The following TMEM161B variants were observed in gnomAD, a reference collection of about 807,000 sequenced individuals.
TMEM161B encodes the protein transmembrane protein 161B.
TMEM161B carries 34 observed loss-of-function variants against 61.8 expected under a neutral mutation model. The observed-to-expected ratio is 0.55, with a 90% confidence interval of 0.42 to 0.73. The LOEUF is 0.73. TMEM161B is among the 30% of genes least tolerant of loss of function. The pLI, the probability that TMEM161B is intolerant of heterozygous loss-of-function variation, is 0.00. For synonymous variants in TMEM161B, 167 were observed against 192.8 expected (o/e 0.87, Z 1.11); for missense variants, 456 against 558.5 (o/e 0.82, Z 1.85).
In TMEM161B at chr5:88,223,707, G is replaced by A. The variant is rs1462168850; in HGVS notation, c.289+2062C>T. Among the ~76,000 whole-genome samples, 3 of 152,194 alleles carry A rather than the reference G, an allele frequency of 2.0e-5. No homozygotes were observed. In the East Asian group the frequency reaches 5.8e-4, roughly 29 times the overall value. ...TTGAGACCATCCTGGCTAACACGGT[G>A]AAACCCCGTCTCCACTAAAAAATAC... On this transcript the variant is annotated intron_variant, in intron 4 of 11. Transcript: ENST00000296595.
intron 8 of TMEM161B, among the ~76,000 whole-genome samples, chr5:88,203,771 AT>A (rs1561312377): frequency 0.059 from 409 of 6,924 alleles, 35 homozygotes; most frequent in Middle Eastern, 0.13. Flanking sequence ...ATATATATAT[AT>A]ATATATATAT....
intron 1 of TMEM161B, among the ~76,000 whole-genome samples, chr5:88,248,543 C>G (rs774819456): frequency 4.6e-5 from 7 of 152,026 alleles, no homozygotes; most frequent in African/African-American, 1.7e-4. Context: ...GCTCTGCTTA[C>G]AATTCTTGCG....
chr5:88,202,160 C>T (rs358289), intron 9 of TMEM161B: 442,690 of 453,614 alleles, frequency 0.98, 216,074 homozygotes, highest in East Asian at 1. Flanking sequence ...AGTTAAATAA[C>T]CTGCCTCAAA....
chr5:88,255,593 A>G (rs1386428563), intron 1 of TMEM161B, among the ~76,000 whole-genome samples: 2 of 152,228 alleles, frequency 1.3e-5, no homozygotes, highest in African/African-American at 4.8e-5. Context: ...GAATTATAAA[A>G]CATAATTGTC....
intron 11 of TMEM161B, 132 bp downstream of exon 11, chr5:88,197,537 C>A: frequency 1.3e-6 from 1 of 771,816 alleles, no homozygotes. Flanking sequence ...CTAAAACTTT[C>A]CCATGGTTCT....
intron 5 of TMEM161B, among the ~76,000 whole-genome samples, chr5:88,217,305 T>C (rs1234228820): frequency 1.3e-5 from 2 of 152,256 alleles, no homozygotes; most frequent in African/African-American, 4.8e-5. Flanking sequence ...TTACTTTTTA[T>C]CTCTTCCTAA....
At chr5:88,236,400 C>T (rs1751860875) in intron 2 of TMEM161B, among the ~76,000 whole-genome samples, 1 of 152,124 alleles carries the variant, frequency 6.6e-6, no homozygotes, top group Admixed American at 6.5e-5. Context: ...TTCAAATGTA[C>T]AAAGAATATA....
At chr5:88,249,936 G>A (rs1253731102) in intron 1 of TMEM161B, among the ~76,000 whole-genome samples, 2 of 152,068 alleles carry the variant, frequency 1.3e-5, no homozygotes, top group African/African-American at 4.8e-5. Context: ...TTTGCCTCAG[G>A]AACCCACAAC....
At chr5:88,250,036 C>T (rs140957201) in intron 1 of TMEM161B, among the ~76,000 whole-genome samples, 1 of 152,240 alleles carries the variant, frequency 6.6e-6, no homozygotes, top group Non-Finnish European at 1.5e-5. Flanking sequence ...GTATCTTTCA[C>T]CATGATAGAA....
chr5:88,229,356 T>G (rs1750589971), intron 2 of TMEM161B, among the ~76,000 whole-genome samples: 1 of 152,162 alleles, frequency 6.6e-6, no homozygotes, highest in African/African-American at 2.4e-5. Flanking sequence ...TGCAGAGACC[T>G]TAGTTCAGAC....
At chr5:88,264,107 C>A (rs1244563620) in intron 1 of TMEM161B, among the ~76,000 whole-genome samples, 4 of 151,778 alleles carry the variant, frequency 2.6e-5, no homozygotes, top group African/African-American at 9.7e-5. Context: ...GGTTTAAGGT[C>A]CATCAATTTA....
intron 1 of TMEM161B, among the ~76,000 whole-genome samples, chr5:88,247,762 T>C (rs1753800394): frequency 6.6e-6 from 1 of 152,026 alleles, no homozygotes; most frequent in Non-Finnish European, 1.5e-5. Context: ...ACAACAAACA[T>C]CACTCAACTA....
intron 1 of TMEM161B, among the ~76,000 whole-genome samples, chr5:88,253,508 A>C (rs548163136): frequency 6.6e-6 from 1 of 152,154 alleles, no homozygotes; most frequent in Non-Finnish European, 1.5e-5. Context: ...AGTTATACCT[A>C]CCCGTACAAA....
intron 5 of TMEM161B, among the ~76,000 whole-genome samples, chr5:88,213,405 C>T (rs903187025): frequency 2.0e-5 from 3 of 151,860 alleles, no homozygotes; most frequent in Admixed American, 2.0e-4. Context: ...GAAAAAGAAC[C>T]TAAAATTCCC....
chr5:88,252,396 G>T (rs1754451139), intron 1 of TMEM161B, among the ~76,000 whole-genome samples: 3 of 152,074 alleles, frequency 2.0e-5, no homozygotes, highest in African/African-American at 7.2e-5. Flanking sequence ...GGCAGGGGCA[G>T]GGAGCTGAAA....
At chr5:88,250,314 C>T (rs968353509) in intron 1 of TMEM161B, among the ~76,000 whole-genome samples, 1 of 152,082 alleles carries the variant, frequency 6.6e-6, no homozygotes, top group African/African-American at 2.4e-5. Flanking sequence ...ACCCTGCATG[C>T]TCTGCTATAG....
intron 1 of TMEM161B, among the ~76,000 whole-genome samples, chr5:88,260,307 C>A (rs1449049799): frequency 1.3e-5 from 2 of 152,122 alleles, no homozygotes; most frequent in Non-Finnish European, 2.9e-5. Context: ...GTACATTCAG[C>A]TAAATGTTCA....
At chr5:88,258,749 A>C (rs1472931817) in intron 1 of TMEM161B, among the ~76,000 whole-genome samples, 2 of 152,174 alleles carry the variant, frequency 1.3e-5, no homozygotes, top group African/African-American at 4.8e-5. Flanking sequence ...GCAGGAAACT[A>C]TGGCATTGCT....
chr5:88,247,830 G>A (rs958408292), intron 1 of TMEM161B, among the ~76,000 whole-genome samples: 1 of 151,988 alleles, frequency 6.6e-6, no homozygotes, highest in East Asian at 1.9e-4. Context: ...TTTTTTCACC[G>A]GTCTATTTGG....
Sources: allele counts gnomAD v4.1 joint callset (sites outside exome capture counted in the v4.1 genomes callset), GRCh38; gene constraint gnomAD v4.1.1; transcripts MANE v1.5; gene names NCBI Gene and HGNC (gene_info 2026-07-23, HGNC 2026-07-21).